Variants in DLG2 observed in about 807,000 individuals in gnomAD.
DLG2 encodes discs large MAGUK scaffold protein 2, also known as disks large homolog 2.
Under a neutral mutation model 132.5 loss-of-function variants are expected in DLG2, and 45 were observed. The observed-to-expected ratio is 0.34, with a 90% CI of 0.27 to 0.44. The LOEUF is 0.44. Ranked by LOEUF, DLG2 falls within the 20% of genes least tolerant of loss-of-function variation. The pLI, the probability that DLG2 is intolerant of heterozygous loss-of-function variation, is 1.00. For synonymous variants in DLG2, 424 were observed against 419.6 expected, an observed-to-expected ratio of 1.01 and a Z score of -0.13; for missense variants, 1,045 against 1,196.9, an observed-to-expected ratio of 0.87 and a Z score of 1.87.
chr11:84,470,883 C>T (rs1182011760), intron 7 of DLG2, among the ~76,000 whole-genome samples: 1 of 151,762 alleles, frequency 6.6e-6, no homozygotes, highest in East Asian at 1.9e-4. Context: ...ATTAGACAAA[C>T]AATGTAGAAT....
chr11:84,756,880 A>G (rs1459300530), intron 6 of DLG2, among the ~76,000 whole-genome samples: 1 of 152,158 alleles, frequency 6.6e-6, no homozygotes, highest in Non-Finnish European at 1.5e-5. Context: ...ACCACTGGTT[A>G]ATTTCCCCTA....
At chr11:83,603,200 C>A (rs753863456) in intron 19 of DLG2, among the ~76,000 whole-genome samples, 1 of 152,110 alleles carries the variant, frequency 6.6e-6, no homozygotes, top group African/African-American at 2.4e-5. Context: ...CCGATCACCA[C>A]GACAAAGAAT....
intron 3 of DLG2, among the ~76,000 whole-genome samples, chr11:85,421,471 G>C (rs931881332): frequency 4.6e-5 from 7 of 150,790 alleles, no homozygotes; most frequent in Non-Finnish European, 7.4e-5. Flanking sequence ...TCTGACATAA[G>C]AATAGCTACT....
At chr11:84,128,804 A>T (rs1351289997) in intron 9 of DLG2, among the ~76,000 whole-genome samples, 1 of 152,142 alleles carries the variant, frequency 6.6e-6, no homozygotes, top group African/African-American at 2.4e-5. Flanking sequence ...AAGGGGGAAA[A>T]AAAACACAAG....
At chr11:85,489,476 C>A (rs1463590644) in intron 3 of DLG2, among the ~76,000 whole-genome samples, 2 of 151,930 alleles carry the variant, frequency 1.3e-5, no homozygotes, top group Non-Finnish European at 2.9e-5. Context: ...CTTCAACACC[C>A]CCACTGATAA....
In DLG2 at chr11:84,207,085, A is replaced by C. The variant is rs564662037; in HGVS notation, c.574-43574T>G. ...TCTCTCTCTCTCTCTCTCTCTCTATATATATATATGTATGTATATATGACT... is the reference window on the plus strand; with the variant it reads ...TCTCTCTCTCTCTCTCTCTCTCTATCTATATATATGTATGTATATATGACT... On this transcript the variant is annotated intron_variant, in intron 8 of 27. Transcript: ENST00000376104. Among the ~76,000 whole-genome samples, 255 of 143,660 alleles carry C rather than the reference A, an allele frequency of 1.8e-3. 1 individual carries two copies. The highest frequency in any genetic ancestry group is 5.6e-3 in the African/African-American group (215 of 38,454). 94.2% of individuals were successfully genotyped at this position (143,660 alleles called of 152,430 possible).
At chr11:84,534,455 G>C in intron 7 of DLG2, 115 bp downstream of exon 7, 1 of 1,061,340 alleles carries the variant, frequency 9.4e-7, no homozygotes, top group Non-Finnish European at 1.4e-6. Flanking sequence ...GGCAACCCGT[G>C]TCCTCTATCA....
At chr11:83,492,281 T>A (rs2093897883) in intron 21 of DLG2, among the ~76,000 whole-genome samples, 1 of 152,090 alleles carries the variant, frequency 6.6e-6, no homozygotes. Flanking sequence ...GCTTGCTTCC[T>A]TGAACTCTGG....
chr11:84,098,980 C>T lies in DLG2; in HGVS notation c.692G>A (p.Gly231Asp), dbSNP rs2092138062. 1.2e-6 allele frequency: 2 copies of T among 1,613,362 alleles called. No individual in the cohort carries two copies. The highest frequency in any genetic ancestry group is 2.7e-5 in the African/African-American group (2 of 74,878). ...TGGTATAATCTTCGTAATAAATATG[C>T]CAGGGTCATCTCCAATGTGGGGATT... is the stretch of plus-strand genomic sequence containing the variant. ...TDNPHIGDDP[G>D]IFITKIIPGG... The change falls in exon 10 of 28, where the codon GGC (glycine) becomes GAC (aspartate). Residue 231 changes from glycine to aspartate, a missense_variant. Transcript: ENST00000376104.
chr11:84,018,916 A>C (rs1299009544), intron 11 of DLG2, among the ~76,000 whole-genome samples: 1 of 152,106 alleles, frequency 6.6e-6, no homozygotes, highest in Non-Finnish European at 1.5e-5. Context: ...CATCCAGCTT[A>C]AAACATAAAG....
At chr11:85,090,990 G>A (rs1211620942) in intron 6 of DLG2, among the ~76,000 whole-genome samples, 1 of 152,144 alleles carries the variant, frequency 6.6e-6, no homozygotes, top group African/African-American at 2.4e-5. Context: ...GAGACAGGGT[G>A]GTGCCATGTT....
chr11:84,563,581 C>T (rs762864258), intron 6 of DLG2, among the ~76,000 whole-genome samples: 2 of 152,146 alleles, frequency 1.3e-5, no homozygotes, highest in Non-Finnish European at 2.9e-5. Context: ...GGCACAGCTG[C>T]CAGGTGAGGT....
intron 3 of DLG2, among the ~76,000 whole-genome samples, chr11:85,360,591 G>A (rs1455531608): frequency 1.3e-5 from 2 of 152,176 alleles, no homozygotes; most frequent in Non-Finnish European, 2.9e-5. Flanking sequence ...TAACTGATTA[G>A]TTTGGTCTGA....
At chr11:84,460,273 C>G (rs2099076868) in intron 7 of DLG2, among the ~76,000 whole-genome samples, 1 of 150,428 alleles carries the variant, frequency 6.6e-6, no homozygotes, top group African/African-American at 2.4e-5. Flanking sequence ...TATTTAGGAT[C>G]TATTCATCTT....
chr11:84,483,244 C>A (rs2099142346), intron 7 of DLG2, among the ~76,000 whole-genome samples: 2 of 151,874 alleles, frequency 1.3e-5, no homozygotes, highest in African/African-American at 4.8e-5. Context: ...ACCAGCCTGG[C>A]CAACCTAGTG....
At chr11:85,453,918 T>C (rs1254956216) in intron 3 of DLG2, among the ~76,000 whole-genome samples, 3 of 152,028 alleles carry the variant, frequency 2.0e-5, no homozygotes, top group Non-Finnish European at 1.5e-5. Context: ...TTTTTTATGC[T>C]CTCCTTCCTC....
chr11:85,493,760 G>T (rs1265425536), intron 3 of DLG2, among the ~76,000 whole-genome samples: 2 of 139,502 alleles, frequency 1.4e-5, no homozygotes, highest in Non-Finnish European at 3.1e-5. Flanking sequence ...GAGAGACAGA[G>T]AAAGAGAGAG....
chr11:84,382,734 A>C (rs1018034625), intron 7 of DLG2, among the ~76,000 whole-genome samples: 1 of 152,108 alleles, frequency 6.6e-6, no homozygotes, highest in African/African-American at 2.4e-5. Flanking sequence ...TAAAACTCAT[A>C]TATCACCTGA....
intron 5 of DLG2, among the ~76,000 whole-genome samples, chr11:85,120,597 A>G (rs919865895): frequency 3.3e-5 from 5 of 152,018 alleles, no homozygotes; most frequent in African/African-American, 1.2e-4. Flanking sequence ...AAAACAAATA[A>G]TTTATTTTAT....
Sources: allele counts gnomAD v4.1 joint callset (sites outside exome capture counted in the v4.1 genomes callset), GRCh38; gene constraint gnomAD v4.1.1; transcripts MANE v1.5; gene names NCBI Gene and HGNC (gene_info 2026-07-23, HGNC 2026-07-21).